Variants in MYO1B observed in about 807,000 individuals in gnomAD.
The protein encoded by MYO1B is unconventional myosin-Ib.
In MYO1B, 72 loss-of-function variants were observed where a neutral mutation model predicts 159.7. That is an observed-to-expected ratio of 0.45 (90% CI 0.37 to 0.55). The LOEUF (loss-of-function observed/expected upper bound fraction) is 0.55, where lower values mean the gene tolerates loss of function less well. Ranked by LOEUF, MYO1B falls within the 20% of genes least tolerant of loss-of-function variation. MYO1B has a pLI of 0.00. For synonymous variants in MYO1B, 468 were observed against 473.8 expected (o/e 0.99, Z 0.16); for missense variants, 1,062 against 1,364.8 (o/e 0.78, Z 3.50).
chr2:191,388,473 G>A, intron 17 of MYO1B, among the ~76,000 whole-genome samples: 1 of 152,240 alleles, frequency 6.6e-6, no homozygotes, highest in African/African-American at 2.4e-5. Flanking sequence ...ATACCCACAA[G>A]TACCTTCTAT....
chr2:191,329,857 A>G, intron 3 of MYO1B, 78 bp from the exon 4 acceptor site: 2 of 1,206,798 alleles, frequency 1.7e-6, no homozygotes, highest in Non-Finnish European at 1.2e-6. Context: ...TGGCCCTTTA[A>G]GGAGCTTGTA....
chr2:191,383,840 C>G (rs1218178191), intron 15 of MYO1B, among the ~76,000 whole-genome samples: 1 of 151,958 alleles, frequency 6.6e-6, no homozygotes, highest in African/African-American at 2.4e-5. Context: ...TCAAAATATC[C>G]ATTTCATTCC....
At chr2:191,341,338 C>T (rs1251950657) in intron 4 of MYO1B, 123 bp from the exon 5 acceptor site, 2 of 646,842 alleles carry the variant, frequency 3.1e-6, no homozygotes, top group Non-Finnish European at 5.3e-6. Context: ...ACATTATTTA[C>T]TCCTCTAGGA....
chr2:191,353,721 C>T (rs192713695), intron 7 of MYO1B, among the ~76,000 whole-genome samples: 1 of 152,306 alleles, frequency 6.6e-6, no homozygotes, highest in East Asian at 1.9e-4. Flanking sequence ...TCTGTGCCTC[C>T]ATTTCTTCAC....
chr2:191,416,145 C>A lies in MYO1B; in HGVS notation c.3190C>A (p.Leu1064Ile). Reference sequence around the variant, plus strand: ...AGAAGCAGCTAGTAAAGGAGACTTTCTCTTCAGCAGTGATCACCTGATTGA... The same window carrying A: ...AGAAGCAGCTAGTAAAGGAGACTTTATCTTCAGCAGTGATCACCTGATTGA... ...GSEAASKGDF[L>I]FSSDHLIEMA... Residue 1064 changes from leucine to isoleucine, a missense_variant, in exon 30 of 31, where the codon CTC (leucine) becomes ATC (isoleucine). Physicochemically the swap from Leu to Ile is conservative, Grantham distance 5. Transcript: ENST00000392318. 2.5e-6 allele frequency: 4 copies of A among 1,614,044 alleles called. No individual in the cohort carries two copies. The highest frequency in any genetic ancestry group is 3.4e-6 in the Non-Finnish European group (4 of 1,179,984).
intron 24 of MYO1B, among the ~76,000 whole-genome samples, chr2:191,403,929 G>A (rs1218126372): frequency 6.6e-6 from 1 of 152,074 alleles, no homozygotes; most frequent in African/African-American, 2.4e-5. Context: ...GTGTACACTA[G>A]CAACCTACAA....
intron 3 of MYO1B, among the ~76,000 whole-genome samples, chr2:191,313,144 A>C (rs1574405183): frequency 7.0e-6 from 1 of 142,438 alleles, no homozygotes; most frequent in East Asian, 2.2e-4. Flanking sequence ...GGTTACTCAG[A>C]TATCCAAGCT....
At chr2:191,334,875 T>C (rs1192981578) in intron 4 of MYO1B, among the ~76,000 whole-genome samples, 1 of 152,204 alleles carries the variant, frequency 6.6e-6, no homozygotes, top group Non-Finnish European at 1.5e-5. Context: ...TAAACCTTAA[T>C]TTTTTCTTTT....
intron 23 of MYO1B, 128 bp from the exon 24 acceptor site, chr2:191,402,504 C>A: frequency 1.3e-6 from 1 of 790,286 alleles, no homozygotes; most frequent in South Asian, 1.5e-5. Context: ...TTGTTATGCA[C>A]TGTTCCTCTG....
intron 30 of MYO1B, among the ~76,000 whole-genome samples, chr2:191,422,514 A>T (rs541197767): frequency 1.3e-3 from 191 of 152,294 alleles, no homozygotes; most frequent in African/African-American, 4.4e-3. Context: ...TAATCCATGA[A>T]TTAATTTCTA....
At chr2:191,390,627 A>C in intron 18 of MYO1B, 135 bp downstream of exon 18, 12 of 1,011,848 alleles carry the variant, frequency 1.2e-5, no homozygotes, top group Non-Finnish European at 1.7e-5. Flanking sequence ...ACCTTCTTCC[A>C]TTAGGATACC....
intron 24 of MYO1B, among the ~76,000 whole-genome samples, chr2:191,406,648 T>C (rs1484181526): frequency 3.3e-5 from 5 of 152,194 alleles, no homozygotes; most frequent in Non-Finnish European, 7.3e-5. Context: ...ACACTGTCTC[T>C]TGATTAAGTT....
intron 11 of MYO1B, among the ~76,000 whole-genome samples, chr2:191,364,619 G>A (rs1415079931): frequency 6.6e-6 from 1 of 152,206 alleles, no homozygotes; most frequent in Non-Finnish European, 1.5e-5. Flanking sequence ...ATGACTGAAG[G>A]GTTTTGAGCA....
intron 13 of MYO1B, among the ~76,000 whole-genome samples, chr2:191,376,142 G>A (rs1451173498): frequency 1.3e-5 from 2 of 152,080 alleles, no homozygotes; most frequent in South Asian, 2.1e-4. Context: ...CGATAACATT[G>A]TTTTTCTTAA....
chr2:191,281,768 G>A (rs1431617105), intron 2 of MYO1B, among the ~76,000 whole-genome samples: 1 of 152,192 alleles, frequency 6.6e-6, no homozygotes, highest in African/African-American at 2.4e-5. Context: ...CAAGGTGTCT[G>A]TTCTCTGACG....
intron 3 of MYO1B, among the ~76,000 whole-genome samples, chr2:191,324,812 T>C (rs1211635931): frequency 1.3e-5 from 2 of 152,154 alleles, no homozygotes; most frequent in African/African-American, 2.4e-5. Context: ...TTATTTTCCC[T>C]AAAGTTTTAC....
At chr2:191,304,772 T>A (rs1469518197) in intron 3 of MYO1B, among the ~76,000 whole-genome samples, 1 of 152,240 alleles carries the variant, frequency 6.6e-6, no homozygotes, top group Non-Finnish European at 1.5e-5. Flanking sequence ...AAAGTGTTTC[T>A]GGTACATCTG....
intron 3 of MYO1B, among the ~76,000 whole-genome samples, chr2:191,312,807 G>T (rs1690086204): frequency 6.6e-6 from 1 of 152,194 alleles, no homozygotes; most frequent in African/African-American, 2.4e-5. Context: ...CTCATCTTGG[G>T]CATGCCCTGG....
chr2:191,367,024 G>A (rs1694055987), intron 11 of MYO1B, among the ~76,000 whole-genome samples: 2 of 151,994 alleles, frequency 1.3e-5, no homozygotes, highest in African/African-American at 4.8e-5. Context: ...GACCATGCCT[G>A]TTACTGGCCA....
Sources: gnomAD v4.1 joint callset for allele counts (sites outside exome capture counted in the v4.1 genomes callset) on GRCh38, gnomAD v4.1.1 for gene constraint, MANE v1.5 for transcripts, NCBI Gene and HGNC (gene_info 2026-07-23, HGNC 2026-07-21) for gene names.